PIF1: variants seen among roughly 807,000 people sequenced by gnomAD.
PIF1 encodes the protein ATP-dependent DNA helicase PIF1.
A neutral mutation model predicts 62.3 loss-of-function variants in PIF1; 67 were observed. The observed-to-expected ratio is 1.08, with a 90% CI of 0.88 to 1.32. The LOEUF (loss-of-function observed/expected upper bound fraction) is 1.32. Among genes scored for constraint, PIF1 ranks in the 40% most tolerant of loss-of-function variants. The pLI, the probability that PIF1 is intolerant of heterozygous loss-of-function variation, is 0.00. For synonymous variants in PIF1, 364 were observed against 379.5 expected, an observed-to-expected ratio of 0.96 and a Z score of 0.47; for missense variants, 886 against 866.1, an observed-to-expected ratio of 1.02 and a Z score of -0.29.
intron 2 of PIF1, chr15:64,823,253 CTTTTT>C (rs11353508): frequency 6.9e-6 from 1 of 145,780 alleles, no homozygotes; most frequent in African/African-American, 2.5e-5. Flanking sequence ...CTCGCTCTCT[CTTTTT>C]TTTTTTTGAG....
intron 10 of PIF1, 80 bp downstream of exon 10, chr15:64,818,176 TA>T: frequency 6.2e-7 from 1 of 1,611,450 alleles, no homozygotes; most frequent in Non-Finnish European, 8.5e-7. Context: ...CTTTCCTTCC[TA>T]GTCTTTTTCT....
chr15:64,819,046 G>T, intron 9 of PIF1, 71 bp downstream of exon 9: 3 of 1,196,082 alleles, frequency 2.5e-6, no homozygotes, highest in African/African-American at 1.6e-5. Context: ...CCTGGGCAGA[G>T]GGGTAGGGAT....
In PIF1 at chr15:64,818,347, G is replaced by A; in HGVS notation, c.1441-3C>T. 1 of 1,613,838 alleles carries A rather than the reference G, an allele frequency of 6.2e-7. No individual in the cohort carries two copies. The highest frequency in any genetic ancestry group is 8.5e-7 in the Non-Finnish European group (1 of 1,179,868). On this transcript the variant is annotated splice_polypyrimidine_tract_variant and splice_region_variant and intron_variant, in intron 9 of 12. Coordinates refer to ENST00000559239, the MANE Select transcript of PIF1 (RefSeq NM_001286496.2). ...GATAAGTTTTTCACCAGCATCACCT[G>A]CAAGGGAGAGAGAGGAATGGACAGC...
intron 9 of PIF1, 85 bp downstream of exon 9, chr15:64,819,032 G>T: frequency 1.0e-6 from 1 of 990,872 alleles, no homozygotes. Context: ...TGGCTGCAGA[G>T]TGGCCTGGGC....
At chr15:64,818,123 C>T in intron 10 of PIF1, 32 bp from the exon 11 acceptor site, 1 of 1,612,780 alleles carries the variant, frequency 6.2e-7, no homozygotes, top group Non-Finnish European at 8.5e-7. Flanking sequence ...CCAACTTTAG[C>T]TCTGCTTCAG....
upstream of PIF1, among the ~76,000 whole-genome samples, chr15:64,825,896 G>A (rs1003878484): frequency 3.3e-5 from 5 of 152,270 alleles, no homozygotes; most frequent in African/African-American, 9.6e-5. Flanking sequence ...GCAGCCACCC[G>A]GCGGCGCGTG....
chr15:64,822,247 C>T lies in PIF1; in HGVS notation c.817+19G>A, dbSNP rs1296756395. 1 of 1,608,772 alleles carries T rather than the reference C, an allele frequency of 6.2e-7. No homozygotes were observed. The highest frequency in any genetic ancestry group is 1.1e-5 in the South Asian group (1 of 90,770). ...AGCTGGGCTTGCTCTTAGCTCAAGC[C>T]CTAGGGGTTCCTACTTACCTGCAAA... is the stretch of plus-strand genomic sequence containing the variant. On this transcript the variant is annotated intron_variant, in intron 4 of 12. Transcript: ENST00000559239.
At position 64,817,990 on chromosome 15, in the gene PIF1, G is replaced by GA. The variant is rs1567083611; in HGVS notation, c.1629_1630insT (p.Leu544SerfsTer54). ...ATCGCCCAGGCCAGCTGGAGGGGCA[G>GA]CTGCTGCCGACTGAGGAGCTGGCCC... On this transcript the variant is annotated frameshift_variant, in exon 11 of 13. Transcript: ENST00000559239. LOFTEE classifies it high-confidence loss of function. 1 of 1,613,226 alleles carries GA rather than the reference G, an allele frequency of 6.2e-7. No individual in the cohort carries two copies. Among genetic ancestry groups the GA allele is most frequent in the Non-Finnish European group, 8.5e-7 (1 of 1,179,736 alleles).
intron 1 of PIF1, among the ~76,000 whole-genome samples, chr15:64,825,285 G>A (rs1358346800): frequency 6.6e-6 from 1 of 152,094 alleles, no homozygotes; most frequent in Non-Finnish European, 1.5e-5. Flanking sequence ...TGGCTTATAT[G>A]CAGCGGGCAG....
rs1010718575 is a variant in PIF1, at chr15:64,825,634, T to G, written c.-85A>C. The G allele has an allele frequency of 2.0e-5, 3 of 152,184 alleles. No individual in the cohort carries two copies. Among genetic ancestry groups the G allele is most frequent in the African/African-American group, 7.2e-5 (3 of 41,442 alleles). The allele number at this position is 152,184 out of a possible 1,614,324, so 9.4% of individuals were successfully genotyped here. The stretch of plus-strand genomic sequence containing the variant: ...ATGAACAAGCAGATCGTAGCCGGCC[T>G]GTGGCTAAGCTCCGAAACTAGAAAT... On this transcript the variant is annotated 5_prime_UTR_variant, in exon 1 of 13. Coordinates refer to ENST00000559239, the MANE Select transcript of PIF1 (RefSeq NM_001286496.2).
At chr15:64,822,085 G>A in intron 4 of PIF1, 181 bp downstream of exon 4, 1 of 748,872 alleles carries the variant, frequency 1.3e-6, no homozygotes. Flanking sequence ...GTGTTGGCCA[G>A]GCTGGTCTCA....
At chr15:64,826,800 A>G (rs951726764), upstream of PIF1, among the ~76,000 whole-genome samples, 1 of 150,332 alleles carries the variant, frequency 6.7e-6, no homozygotes, top group Admixed American at 6.7e-5. Flanking sequence ...CATGTTTCCC[A>G]GGCTTGTCTC....
At chr15:64,820,528 C>A (rs1384569716) in intron 7 of PIF1, among the ~76,000 whole-genome samples, 1 of 152,264 alleles carries the variant, frequency 6.6e-6, no homozygotes, top group East Asian at 1.9e-4. Flanking sequence ...TCCCAAGTAG[C>A]TGGGACTACA....
chr15:64,819,918 A>G lies in PIF1; in HGVS notation c.1262T>C (p.Val421Ala). 6.2e-7 allele frequency: 1 copy of G among 1,614,154 alleles called. No individual in the cohort carries two copies. The highest frequency in any genetic ancestry group is 1.7e-4 in the Middle Eastern group (1 of 6,058). ...ASHKVGRDGI[V>A]ATRLCTHQDD... ...CTGGTGGGTGCAGAGCCTCGTGGCC[A>G]CAATCCCATCTCGCCCCACCTTGTG... Residue 421 changes from valine (V) to alanine (A), a missense_variant, in exon 8 of 13, where the codon GTG (valine) becomes GCG (alanine). By Grantham distance (64) the Val-to-Ala change is moderately conservative. Coordinates refer to ENST00000559239, the MANE Select transcript of PIF1 (RefSeq NM_001286496.2).
intron 7 of PIF1, among the ~76,000 whole-genome samples, 164 bp downstream of exon 7, chr15:64,820,818 A>G (rs2084273756): frequency 6.6e-6 from 1 of 152,224 alleles, no homozygotes; most frequent in Non-Finnish European, 1.5e-5. Flanking sequence ...ACTACAATCC[A>G]TCCTGAGTTG....
intron 10 of PIF1, 70 bp from the exon 11 acceptor site, chr15:64,818,161 T>C (rs1437702327): frequency 1.7e-5 from 27 of 1,611,398 alleles, no homozygotes; most frequent in Non-Finnish European, 2.3e-5. Flanking sequence ...CAGGGGCCTT[T>C]GGAGCTTTCC....
At chr15:64,827,015 C>T (rs774956766), upstream of PIF1, among the ~76,000 whole-genome samples, 73 of 152,104 alleles carry the variant, frequency 4.8e-4, no homozygotes, top group Non-Finnish European at 1.5e-4. Context: ...GGCTTAGCTA[C>T]TACACCACAC....
rs546716754 is a variant in PIF1, at chr15:64,816,584, C to T, written c.1856G>A (p.Ser619Asn). 16 of 1,613,520 alleles carry T rather than the reference C, an allele frequency of 9.9e-6. No individual in the cohort carries two copies. In the East Asian group the frequency reaches 2.7e-4, roughly 27 times the overall value. ...HFYATLRRGR[S>N]LSLESPDDDE... Reference sequence around the variant, plus strand: ...ATGACTCCCTCTTACCAGACTGAGGCTCCTGCCCCGCCGCAGGGTGGCATA... The same window carrying T: ...ATGACTCCCTCTTACCAGACTGAGGTTCCTGCCCCGCCGCAGGGTGGCATA... Residue 619 changes from serine to asparagine, a missense_variant, in exon 12 of 13, where the codon AGC (serine) becomes AAC (asparagine). By Grantham distance (46) the Ser-to-Asn change is conservative. Coordinates refer to ENST00000559239, the MANE Select transcript of PIF1 (RefSeq NM_001286496.2).
At chr15:64,820,768 A>ATT (rs1487565536) in intron 7 of PIF1, among the ~76,000 whole-genome samples, 1 of 10,742 alleles carries the variant, frequency 9.3e-5, no homozygotes, top group African/African-American at 1.6e-4. Flanking sequence ...AGGTCCCAGC[A>ATT]CTCAGAGCAA....
Sources: allele counts gnomAD v4.1 joint callset (sites outside exome capture counted in the v4.1 genomes callset), GRCh38; gene constraint gnomAD v4.1.1; transcripts MANE v1.5; gene names NCBI Gene and HGNC (gene_info 2026-07-23, HGNC 2026-07-21).